LSM3: variants seen among roughly 807,000 people sequenced by gnomAD.
The protein encoded by LSM3 is LSM3 homolog, U6 small nuclear RNA and mRNA degradation associated.
A neutral mutation model predicts 15.4 loss-of-function variants in LSM3; 14 were observed. The ratio of observed to expected loss-of-function variants is 0.91; its 90% CI spans 0.60 to 1.42. The LOEUF is 1.42. Among genes scored for constraint, LSM3 ranks in the 40% most tolerant of loss-of-function variants. LSM3 has a pLI of 0.00. For synonymous variants in LSM3, 46 were observed against 45.1 expected, an observed-to-expected ratio of 1.02 and a Z score of -0.08; for missense variants, 88 against 127.9, an observed-to-expected ratio of 0.69 and a Z score of 1.50.
intron 3 of LSM3, among the ~76,000 whole-genome samples, chr3:14,185,547 A>G (rs1325879084): frequency 2.0e-5 from 3 of 152,228 alleles, no homozygotes; most frequent in African/African-American, 4.8e-5. Flanking sequence ...CGTTAAATCT[A>G]TCATGAGTTG....
chr3:14,182,251 CTCATATAT>C (rs1697046515), intron 2 of LSM3, among the ~76,000 whole-genome samples: 1 of 151,906 alleles, frequency 6.6e-6, no homozygotes, highest in African/African-American at 2.4e-5. Flanking sequence ...CACATATACA[CTCATATAT>C]GTACATGTGC....
chr3:14,181,210 A>G lies in LSM3; in HGVS notation c.22-350A>G, dbSNP rs1000890686. On this transcript the variant is annotated intron_variant, in intron 1 of 3. Transcript: ENST00000306024. ...CCAATGATTACATAATATTTGAGAT[A>G]AAGCTAAAGTCCCTGAGACCCTATG... is the stretch of plus-strand genomic sequence containing the variant. Among the ~76,000 whole-genome samples the G allele has an allele frequency of 1.6e-4, 24 of 152,222 alleles. 1 individual carries two copies. Among genetic ancestry groups the G allele is most frequent in the Non-Finnish European group, 3.1e-4 (21 of 68,036 alleles).
At chr3:14,191,742 A>G (rs1403071258) in intron 3 of LSM3, among the ~76,000 whole-genome samples, 1 of 151,942 alleles carries the variant, frequency 6.6e-6, no homozygotes, top group African/African-American at 2.4e-5. Flanking sequence ...TCCTGGATTC[A>G]TTGATTATTT....
chr3:14,185,460 T>C (rs1043598866), intron 3 of LSM3, among the ~76,000 whole-genome samples: 6 of 152,262 alleles, frequency 3.9e-5, no homozygotes, highest in African/African-American at 1.2e-4. Context: ...GGAATGTCTT[T>C]GTTTTACATT....
In LSM3 at chr3:14,193,364, A is replaced by T. The variant is rs541362423; in HGVS notation, c.229-4672A>T. ...GGAAGTTCTCCTGGATAATATCCTGAAGAGTGTTTTCCAACTTGGTTCCAT... is the reference window on the plus strand; with the variant it reads ...GGAAGTTCTCCTGGATAATATCCTGTAGAGTGTTTTCCAACTTGGTTCCAT... On this transcript the variant is annotated intron_variant, in intron 3 of 3. Transcript: ENST00000306024. 8.7e-4 allele frequency among the ~76,000 whole-genome samples: 133 copies of T among 152,300 alleles called. 1 individual carries two copies. The highest frequency in any genetic ancestry group is 3.0e-3 in the African/African-American group (124 of 41,562).
intron 3 of LSM3, among the ~76,000 whole-genome samples, chr3:14,189,788 G>A (rs1697122004): frequency 6.6e-6 from 1 of 152,178 alleles, no homozygotes; most frequent in African/African-American, 2.4e-5. Flanking sequence ...CTGTGCAGAA[G>A]ATCTTTAGTT....
chr3:14,179,290 A>G (rs183978821), intron 1 of LSM3, among the ~76,000 whole-genome samples: 69 of 152,380 alleles, frequency 4.5e-4, no homozygotes, highest in Non-Finnish European at 6.0e-4. Flanking sequence ...GGACACTGAC[A>G]TCGACATATA....
At chr3:14,189,244 A>G (rs1368514912) in intron 3 of LSM3, among the ~76,000 whole-genome samples, 1 of 152,214 alleles carries the variant, frequency 6.6e-6, no homozygotes, top group Non-Finnish European at 1.5e-5. Context: ...GCTATTGTGA[A>G]TAGTGCCGCA....
intron 1 of LSM3, 78 bp from the exon 2 acceptor site, chr3:14,181,482 A>G (rs1210735013): frequency 1.1e-6 from 1 of 892,984 alleles, no homozygotes; most frequent in East Asian, 2.4e-5. Context: ...TAACTTGCCC[A>G]TGGTCACACA....
At chr3:14,179,912 A>G (rs986132202) in intron 1 of LSM3, among the ~76,000 whole-genome samples, 1 of 152,228 alleles carries the variant, frequency 6.6e-6, no homozygotes, top group Non-Finnish European at 1.5e-5. Flanking sequence ...ATGCCTCTCC[A>G]CAGTAGAATG....
chr3:14,193,876 T>C (rs371654419), intron 3 of LSM3, among the ~76,000 whole-genome samples: 20 of 152,336 alleles, frequency 1.3e-4, no homozygotes, highest in African/African-American at 4.8e-4. Flanking sequence ...TTTTGGAATT[T>C]TCAGCCTTTT....
chr3:14,178,955 G>A (rs1696973125), intron 1 of LSM3, 74 bp downstream of exon 1: 4 of 1,508,232 alleles, frequency 2.7e-6, no homozygotes, highest in Middle Eastern at 2.0e-4. Flanking sequence ...CAGGAAAAAT[G>A]GCCAGTCGTG....
intron 3 of LSM3, among the ~76,000 whole-genome samples, chr3:14,193,416 A>G (rs764321671): frequency 3.3e-5 from 5 of 152,234 alleles, no homozygotes; most frequent in Admixed American, 6.5e-5. Flanking sequence ...AGGTACACCA[A>G]TCAAATGTAG....
intron 2 of LSM3, among the ~76,000 whole-genome samples, chr3:14,182,429 A>G (rs1697048209): frequency 6.6e-6 from 1 of 151,542 alleles, no homozygotes; most frequent in Non-Finnish European, 1.5e-5. Context: ...AGGATTCTGT[A>G]TATGATAGTG....
At chr3:14,180,859 A>G (rs867688630) in intron 1 of LSM3, among the ~76,000 whole-genome samples, 5 of 82,062 alleles carry the variant, frequency 6.1e-5, no homozygotes, top group Non-Finnish European at 1.1e-4. Context: ...TTTTTTTTTA[A>G]AAAAAAAAAA....
At chr3:14,190,196 T>C (rs1362958086) in intron 3 of LSM3, among the ~76,000 whole-genome samples, 1 of 152,246 alleles carries the variant, frequency 6.6e-6, no homozygotes, top group Admixed American at 6.5e-5. Flanking sequence ...TTTTGGTTAC[T>C]GTAGCCTTGT....
At chr3:14,189,216 G>A (rs1357612356) in intron 3 of LSM3, among the ~76,000 whole-genome samples, 2 of 152,026 alleles carry the variant, frequency 1.3e-5, no homozygotes, top group Non-Finnish European at 2.9e-5. Flanking sequence ...TGCACATTTG[G>A]GTTGGTTCCA....
rs1014809631 is a variant in LSM3, at chr3:14,198,492, T to C, written c.*376T>C. The stretch of plus-strand genomic sequence containing the variant: ...TAAAGTAAGCATGTCTTACCTTCAC[T>C]TAGCACACATTTGCAGTGCACCTAC... On this transcript the variant is annotated 3_prime_UTR_variant, in exon 4 of 4. Transcript: ENST00000306024. 2.3e-5 allele frequency: 5 copies of C among 213,360 alleles called. No individual in the cohort carries two copies. Among genetic ancestry groups the C allele is most frequent in the African/African-American group, 1.2e-4 (5 of 42,716 alleles). 13.2% of individuals were successfully genotyped at this position (213,360 alleles called of 1,614,324 possible).
chr3:14,188,361 A>G (rs1197205119), intron 3 of LSM3, among the ~76,000 whole-genome samples: 1 of 152,222 alleles, frequency 6.6e-6, no homozygotes, highest in Non-Finnish European at 1.5e-5. Flanking sequence ...ATATCACCGT[A>G]TAGTACTTAA....
Sources: gnomAD v4.1 joint callset for allele counts (sites outside exome capture counted in the v4.1 genomes callset) on GRCh38, gnomAD v4.1.1 for gene constraint, MANE v1.5 for transcripts, NCBI Gene and HGNC (gene_info 2026-07-23, HGNC 2026-07-21) for gene names.